The following TAOK3 variants were observed in gnomAD, a reference collection of about 807,000 sequenced individuals.
TAOK3 encodes serine/threonine-protein kinase TAO3.
A neutral mutation model predicts 120.4 loss-of-function variants in TAOK3; 40 were observed. The observed-to-expected ratio is 0.33, with a 90% CI of 0.26 to 0.43. The LOEUF (loss-of-function observed/expected upper bound fraction) is 0.43. Among genes scored for constraint, TAOK3 ranks in the 20% least tolerant of loss-of-function variants. TAOK3 has a pLI of 1.00. For synonymous variants in TAOK3, 355 were observed against 387.5 expected, an observed-to-expected ratio of 0.92 and a Z score of 0.99; for missense variants, 821 against 1,112.1, an observed-to-expected ratio of 0.74 and a Z score of 3.72.
intron 1 of TAOK3, among the ~76,000 whole-genome samples, chr12:118,276,637 G>A (rs35214062): frequency 0.031 from 4,722 of 152,242 alleles, 208 homozygotes; most frequent in African/African-American, 0.098. Context: ...GGGGGGCGGA[G>A]CTTGCAGTGA....
At chr12:118,266,174 A>G (rs1170998406) in intron 2 of TAOK3, among the ~76,000 whole-genome samples, 2 of 152,070 alleles carry the variant, frequency 1.3e-5, no homozygotes, top group Non-Finnish European at 2.9e-5. Context: ...GGAAATAAAT[A>G]GAAACTCAAA....
At chr12:118,220,964 AGCCAGAATACTAC>A (rs1239119621) in intron 9 of TAOK3, among the ~76,000 whole-genome samples, 1 of 152,232 alleles carries the variant, frequency 6.6e-6, no homozygotes, top group Non-Finnish European at 1.5e-5. Flanking sequence ...CTCACTGCTG[AGCCAGAATACTAC>A]AGAGCAAGGG....
At chr12:118,254,305 A>ACCATCCATCCAT (rs374028494) in intron 3 of TAOK3, among the ~76,000 whole-genome samples, 86 of 151,804 alleles carry the variant, frequency 5.7e-4, no homozygotes, top group African/African-American at 2.0e-3. Flanking sequence ...CTGTCTATCC[A>ACCATCCATCCAT]CCATCCATCC....
intron 14 of TAOK3, among the ~76,000 whole-genome samples, chr12:118,182,039 G>T (rs1001110637): frequency 6.6e-6 from 1 of 152,054 alleles, no homozygotes; most frequent in African/African-American, 2.4e-5. Flanking sequence ...ACAAAAATTA[G>T]CCAGGCATGG....
chr12:118,369,194 ATAAAT>A (rs2045831874), intron 1 of TAOK3, among the ~76,000 whole-genome samples: 1 of 152,120 alleles, frequency 6.6e-6, no homozygotes, highest in South Asian at 2.1e-4. Context: ...CCTGTCTCAA[ATAAAT>A]TAAATAAATA....
At chr12:118,174,509 C>G (rs1356391870) in intron 16 of TAOK3, among the ~76,000 whole-genome samples, 7 of 151,654 alleles carry the variant, frequency 4.6e-5, no homozygotes, top group Non-Finnish European at 8.8e-5. Context: ...AAATGCTGTT[C>G]TGTGGGAAAA....
At chr12:118,323,773 A>C (rs780121720) in intron 1 of TAOK3, among the ~76,000 whole-genome samples, 4 of 152,208 alleles carry the variant, frequency 2.6e-5, no homozygotes, top group African/African-American at 7.2e-5. Context: ...ATATAGGTTT[A>C]TGTAGGTGAT....
chr12:118,173,125 G>A (rs989258206), intron 16 of TAOK3, among the ~76,000 whole-genome samples: 2 of 152,178 alleles, frequency 1.3e-5, no homozygotes, highest in Non-Finnish European at 2.9e-5. Context: ...TTTAATCTTG[G>A]TAGTAACTAA....
intron 1 of TAOK3, among the ~76,000 whole-genome samples, chr12:118,276,263 G>C (rs2041899866): frequency 6.6e-6 from 1 of 152,168 alleles, no homozygotes; most frequent in South Asian, 2.1e-4. Flanking sequence ...GAGGTAATAA[G>C]AATTGGTTGA....
chr12:118,258,712 A>T (rs2041098931), intron 2 of TAOK3, among the ~76,000 whole-genome samples: 1 of 143,664 alleles, frequency 7.0e-6, no homozygotes. Context: ...AGACTCTGTC[A>T]TAAAAAAAAA....
chr12:118,351,462 C>G (rs1337616518), intron 1 of TAOK3, among the ~76,000 whole-genome samples: 1 of 152,156 alleles, frequency 6.6e-6, no homozygotes. Flanking sequence ...GTGTTACTGG[C>G]TGCATCTATA....
rs192413442 is a variant in TAOK3, at chr12:118,265,988, G to A, written c.-89+667C>T. On this transcript the variant is annotated intron_variant, in intron 2 of 20. Transcript: ENST00000392533. Reference sequence around the variant, plus strand: ...TCTGTAATTAGAAGAAAAGTGATACGAAACCTTTTAGGTAATTTCAAATCT... The same window carrying A: ...TCTGTAATTAGAAGAAAAGTGATACAAAACCTTTTAGGTAATTTCAAATCT... Among the ~76,000 whole-genome samples the A allele has an allele frequency of 1.8e-3, 267 of 152,062 alleles. 5 individuals carry two copies. The highest frequency in any genetic ancestry group is 0.015 in the Admixed American group (227 of 15,262).
At chr12:118,274,825 G>C (rs1018098717) in intron 1 of TAOK3, among the ~76,000 whole-genome samples, 8 of 151,040 alleles carry the variant, frequency 5.3e-5, no homozygotes, top group Non-Finnish European at 1.0e-4. Flanking sequence ...TAGAGACAGG[G>C]TTTCACCATG....
chr12:118,269,388 T>C (rs1204703437), intron 1 of TAOK3, among the ~76,000 whole-genome samples: 6 of 144,002 alleles, frequency 4.2e-5, no homozygotes, highest in South Asian at 2.3e-4. Context: ...CTCTTCTTTT[T>C]TTTTTTTTTT....
chr12:118,259,372 G>A (rs548673689), intron 2 of TAOK3, among the ~76,000 whole-genome samples: 105 of 152,036 alleles, frequency 6.9e-4, no homozygotes, highest in African/African-American at 2.1e-3. Flanking sequence ...AGGCTGTATC[G>A]CTACAAAAGA....
chr12:118,368,027 CG>C (rs1299762005), intron 1 of TAOK3, among the ~76,000 whole-genome samples: 1 of 152,070 alleles, frequency 6.6e-6, no homozygotes, highest in Non-Finnish European at 1.5e-5. Context: ...TGCCTGTATA[CG>C]ACTCCAGTAG....
At chr12:118,233,648 A>G (rs1471393400) in intron 9 of TAOK3, 26 bp downstream of exon 9, 3 of 1,508,956 alleles carry the variant, frequency 2.0e-6, no homozygotes, top group East Asian at 2.3e-5. Flanking sequence ...AAAAAATACA[A>G]TGAAAACAAA....
At chr12:118,329,845 T>C (rs915791533) in intron 1 of TAOK3, among the ~76,000 whole-genome samples, 1 of 152,192 alleles carries the variant, frequency 6.6e-6, no homozygotes, top group African/African-American at 2.4e-5. Flanking sequence ...GATTTGTATA[T>C]AGCCACTTCC....
rs778709241 is a variant in TAOK3 at position 118,189,925 on chromosome 12, C to T, written c.1211G>A (p.Arg404Lys). 1.9e-6 allele frequency: 3 copies of T among 1,614,066 alleles called. No individual in the cohort carries two copies. Among genetic ancestry groups the T allele is most frequent in the South Asian group, 1.1e-5 (1 of 91,080 alleles). Reference protein sequence around the residue: ...VVHKKDHVFIRDEAGHGDPRP... With the variant: ...VVHKKDHVFIKDEAGHGDPRP... Reference sequence around the variant, plus strand: ...GGGATCGCCGTGGCCCGCCTCATCCCTTATGAATACATGATCCTGCAGAAA... The same window carrying T: ...GGGATCGCCGTGGCCCGCCTCATCCTTTATGAATACATGATCCTGCAGAAA... The change falls in exon 14 of 21, where the codon AGG (arginine) becomes AAG (lysine). Residue 404 changes from arginine to lysine, a missense_variant. This residue lies in a region of TAOK3 where 467 missense variants were observed against 540.0 expected (regional missense o/e 0.86). Transcript: ENST00000392533.
Sources: gnomAD v4.1 joint callset for allele counts (sites outside exome capture counted in the v4.1 genomes callset) on GRCh38, gnomAD v4.1.1 for gene constraint, gnomAD v4.1.1 regional missense constraint, MANE v1.5 for transcripts, NCBI Gene and HGNC (gene_info 2026-07-23, HGNC 2026-07-21) for gene names.